Variants in DOHH observed in about 807,000 individuals in gnomAD.
The protein encoded by DOHH is HEAT-like (PBS lyase) repeat containing 1.
A neutral mutation model predicts 19.9 loss-of-function variants in DOHH; 16 were observed. The ratio of observed to expected loss-of-function variants is 0.80; its 90% CI spans 0.54 to 1.22. The LOEUF (loss-of-function observed/expected upper bound fraction) is 1.22. Among genes scored for constraint, DOHH ranks in the 50% most tolerant of loss-of-function variants. The probability of loss-of-function intolerance (pLI) is 0.00; values close to 1 mark genes in which losing one functional copy is unlikely to be tolerated. For missense variants in DOHH, 460 were observed against 460.6 expected (o/e 1.00, Z 0.01); for synonymous variants, 233 against 217.0 (o/e 1.07, Z -0.65).
rs1176078235 is a variant in DOHH, at chr19:3,491,988, G to A, written c.590-177C>T. ...GGCGTGAGCCACCACGCCCAACCTG[G>A]GGTGTTCTACCTTGAAGACACCCCT... On this transcript the variant is annotated intron_variant, in intron 4 of 4. Coordinates refer to ENST00000427575, the MANE Select transcript of DOHH (RefSeq NM_001145165.2). The surrounding 1 kb of genome is among the most constrained non-coding windows in gnomAD (Gnocchi z 5.6). Among the ~76,000 whole-genome samples the A allele has an allele frequency of 6.6e-6, 1 of 152,180 alleles. No individual in the cohort carries two copies. Among genetic ancestry groups the A allele is most frequent in the Non-Finnish European group, 1.5e-5 (1 of 68,014 alleles).
intron 3 of DOHH, 30 bp from the exon 4 acceptor site, chr19:3,492,529 T>G (rs1423407481): frequency 7.3e-7 from 1 of 1,367,574 alleles, no homozygotes; most frequent in Admixed American, 3.7e-5. Flanking sequence ...GGCAGCGGGT[T>G]GGCCCTGGGG....
At chr19:3,492,143 T>G (rs1342511340) in intron 4 of DOHH, 119 bp downstream of exon 4, 1 of 989,486 alleles carries the variant, frequency 1.0e-6, no homozygotes, top group African/African-American at 1.7e-5. Flanking sequence ...GGGAAATGCT[T>G]GGGGCCAGGC....
At chr19:3,493,524 A>G (rs2082886223) in intron 3 of DOHH, among the ~76,000 whole-genome samples, 1 of 151,596 alleles carries the variant, frequency 6.6e-6, no homozygotes. Context: ...GCAGGAGAAT[A>G]GCATGAACCT....
Position 3,496,483 on chromosome 19 carries a change from G to T in DOHH, c.274+58C>A. 2 of 1,570,988 alleles carry T rather than the reference G, an allele frequency of 1.3e-6. No homozygotes were observed. Among genetic ancestry groups the T allele is most frequent in the Non-Finnish European group, 1.7e-6 (2 of 1,158,196 alleles). On this transcript the variant is annotated intron_variant, in intron 2 of 4. Coordinates refer to ENST00000427575, the MANE Select transcript of DOHH (RefSeq NM_001145165.2). The surrounding 1 kb of genome is among the most constrained non-coding windows in gnomAD (Gnocchi z 4.8). ...CCTGAGTGAGGAAGGGGACACGTGG[G>T]GTCATGAAGAAGTGAGGCAGGAGGG...
At chr19:3,498,339 G>A (rs1402048697) in intron 1 of DOHH, among the ~76,000 whole-genome samples, 1 of 152,112 alleles carries the variant, frequency 6.6e-6, no homozygotes, top group Non-Finnish European at 1.5e-5. Context: ...AGGCTGGAAT[G>A]TAACAAAAGC....
At chr19:3,492,645 G>T in intron 3 of DOHH, 146 bp from the exon 4 acceptor site, 1 of 663,892 alleles carries the variant, frequency 1.5e-6, no homozygotes, top group Non-Finnish European at 2.3e-6. Context: ...AAGCCAGCAG[G>T]GGTGGCTGAC....
At chr19:3,492,175 C>T (rs1438649918) in intron 4 of DOHH, 87 bp downstream of exon 4, 1 of 1,229,220 alleles carries the variant, frequency 8.1e-7, no homozygotes, top group Non-Finnish European at 1.1e-6. Flanking sequence ...TTCCCGGGGG[C>T]AGGCCGCGGC....
chr19:3,496,646 C>T lies in DOHH; in HGVS notation c.169G>A (p.Glu57Lys), dbSNP rs2082909974. ...ATCTGGCCCAGGCAGTAGGCCAGCTCGTGCTTGAGCAGGGCGGAATCGTCA... is the reference window on the plus strand; with the variant it reads ...ATCTGGCCCAGGCAGTAGGCCAGCTTGTGCTTGAGCAGGGCGGAATCGTCA... ...FDDDSALLKHELAYCLGQMQD... is the reference protein window; with the variant it reads ...FDDDSALLKHKLAYCLGQMQD... The change falls in exon 2 of 5, where the codon GAG becomes AAG. Residue 57 changes from glutamate (E) to lysine (K), a missense_variant. Transcript: ENST00000427575. This position sits in a 1 kb window ranked among gnomAD's most constrained non-coding sequence, Gnocchi z 4.8. The T allele has an allele frequency of 3.1e-6, 5 of 1,613,896 alleles. No individual in the cohort carries two copies. Among genetic ancestry groups the T allele is most frequent in the Admixed American group, 1.7e-5 (1 of 60,010 alleles).
At chr19:3,492,683 TG>T (rs948776258) in intron 3 of DOHH, among the ~76,000 whole-genome samples, 184 bp from the exon 4 acceptor site, 1 of 151,888 alleles carries the variant, frequency 6.6e-6, no homozygotes, top group Non-Finnish European at 1.5e-5. Context: ...ACTGGAGGGC[TG>T]GGGAGGGCCT....
chr19:3,492,750 G>A (rs10411035), intron 3 of DOHH, among the ~76,000 whole-genome samples: 80,174 of 151,966 alleles, frequency 0.53, 23,879 homozygotes, highest in Non-Finnish European at 0.69. Context: ...AGGGAATCAG[G>A]TGGAGACCCG....
intron 1 of DOHH, among the ~76,000 whole-genome samples, chr19:3,499,401 C>T (rs2082932657): frequency 6.6e-6 from 1 of 152,214 alleles, no homozygotes; most frequent in Non-Finnish European, 1.5e-5. Context: ...ACTCTGAAGG[C>T]TGGGACTGAG....
chr19:3,494,371 C>G (rs1393591364), intron 2 of DOHH, among the ~76,000 whole-genome samples: 1 of 152,206 alleles, frequency 6.6e-6, no homozygotes, highest in African/African-American at 2.4e-5. Flanking sequence ...TACCATGAGA[C>G]AGGGAGACAA....
chr19:3,500,555 C>T lies in DOHH; in HGVS notation c.-73+6G>A, dbSNP rs375986756. 2.6e-5 allele frequency: 4 copies of T among 152,266 alleles called. No homozygotes were observed. The highest frequency in any genetic ancestry group is 1.9e-4 in the East Asian group (1 of 5,202). 9.4% of individuals were successfully genotyped at this position (152,266 alleles called of 1,614,324 possible). On this transcript the variant is annotated splice_donor_region_variant and intron_variant, in intron 1 of 4. Transcript: ENST00000427575. Reference sequence around the variant, plus strand: ...CACCGTGATCGCCGCCTCCGGGACGCCTCACCGAGCTCTGGAGACTCAGGA... The same window carrying T: ...CACCGTGATCGCCGCCTCCGGGACGTCTCACCGAGCTCTGGAGACTCAGGA...
rs748917492 is a variant in DOHH at position 3,496,711 on chromosome 19, C to T, written c.104G>A (p.Gly35Asp). Reference sequence around the variant, plus strand: ...GATCCATGCAATGGCGCCTGGGCCGCCGAGCCCACGCAGCGTGAACAGCGC... The same window carrying T: ...GATCCATGCAATGGCGCCTGGGCCGTCGAGCCCACGCAGCGTGAACAGCGC... ...FRALFTLRGLGGPGAIAWISQ... is the reference protein window; with the variant it reads ...FRALFTLRGLDGPGAIAWISQ... The change falls in exon 2 of 5, where the codon GGC becomes GAC. Residue 35 changes from glycine (G) to aspartate (D), a missense_variant. Coordinates refer to ENST00000427575, the MANE Select transcript of DOHH (RefSeq NM_001145165.2). This position sits in a 1 kb window ranked among gnomAD's most constrained non-coding sequence, Gnocchi z 4.8. 7.4e-6 allele frequency: 12 copies of T among 1,613,430 alleles called. No homozygotes were observed. The East Asian group carries it at 2.5e-4, about 33-fold the overall frequency.
rs2082870956 is a variant in DOHH, at chr19:3,491,672, C to T, written c.729G>A (p.Ala243=). Residue 243 remains alanine (A), a synonymous_variant, in exon 5 of 5, where the codon GCG becomes GCA. Transcript: ENST00000427575. This position sits in a 1 kb window ranked among gnomAD's most constrained non-coding sequence, Gnocchi z 5.6. ...TENPMVRHEC[A]EALGAIARPA... ...GCCGGGCAATGGCGCCCAGGGCCTC[C>T]GCGCACTCGTGCCGCACCATGGGGT... 6.5e-6 allele frequency: 10 copies of T among 1,534,426 alleles called. No individual in the cohort carries two copies. The East Asian group carries it at 9.8e-5, about 15-fold the overall frequency.
chr19:3,491,822 G>T lies in DOHH; in HGVS notation c.590-11C>A, dbSNP rs369991936. 131 of 1,451,016 alleles carry T rather than the reference G, an allele frequency of 9.0e-5. No homozygotes were observed. Among genetic ancestry groups the T allele is most frequent in the Non-Finnish European group, 1.0e-4 (110 of 1,104,750 alleles). The allele number at this position is 1,451,016 out of a possible 1,614,324, so 89.9% of individuals were successfully genotyped here. A position where few individuals can be genotyped will look rare whatever the true frequency, so the allele number is the denominator to read the frequency against. On this transcript the variant is annotated splice_polypyrimidine_tract_variant and intron_variant, in intron 4 of 4. Transcript: ENST00000427575. The surrounding 1 kb of genome is among the most constrained non-coding windows in gnomAD (Gnocchi z 5.6). ...TCCCACAGTGCAGACCTGCAGGGGAGAGGGACACTCGCTGGGGCCAGGAGG... is the reference window on the plus strand; with the variant it reads ...TCCCACAGTGCAGACCTGCAGGGGATAGGGACACTCGCTGGGGCCAGGAGG...
Position 3,491,784 on chromosome 19 carries a change from C to G in DOHH, c.617G>C (p.Arg206Pro), listed in dbSNP as rs1355756863. Reference sequence around the variant, plus strand: ...TCCCAGGACGTAGCCGACCTCGTGGCGGAAGAGGGCGCTCCCACAGTGCAG... The same window carrying G: ...TCCCAGGACGTAGCCGACCTCGTGGGGGAAGAGGGCGCTCCCACAGTGCAG... ...EGLHCGSALF[R>P]HEVGYVLGQL... Residue 206 changes from arginine to proline, a missense_variant, in exon 5 of 5, where the codon CGC becomes CCC. By Grantham distance (103) the Arg-to-Pro change is moderately radical. Coordinates refer to ENST00000427575, the MANE Select transcript of DOHH (RefSeq NM_001145165.2). The surrounding 1 kb of genome is among the most constrained non-coding windows in gnomAD (Gnocchi z 5.6). 2.0e-6 allele frequency: 3 copies of G among 1,501,948 alleles called. No individual in the cohort carries two copies. The African/African-American group carries it at 4.4e-5, about 22-fold the overall frequency. The allele number at this position is 1,501,948 out of a possible 1,614,324, so 93.0% of individuals were successfully genotyped here.
intron 2 of DOHH, among the ~76,000 whole-genome samples, chr19:3,494,510 AAAAC>A (rs758542996): frequency 6.6e-6 from 1 of 152,206 alleles, no homozygotes; most frequent in Non-Finnish European, 1.5e-5. Context: ...CTGTCTCAAA[AAAAC>A]AAACAAAAAA....
intron 4 of DOHH, among the ~76,000 whole-genome samples, chr19:3,492,055 C>T (rs1333929231): frequency 1.3e-5 from 2 of 152,170 alleles, no homozygotes; most frequent in African/African-American, 2.4e-5. Context: ...GGGAACTGAC[C>T]GCAGCTATGG....
Sources: gnomAD v4.1 joint callset for allele counts (sites outside exome capture counted in the v4.1 genomes callset) on GRCh38, gnomAD v4.1.1 for gene constraint, Gnocchi (gnomAD v3.1) non-coding constraint, MANE v1.5 for transcripts, NCBI Gene and HGNC (gene_info 2026-07-23, HGNC 2026-07-21) for gene names.